The following LRRIQ1 variants were observed in gnomAD, a reference collection of about 807,000 sequenced individuals.
The protein encoded by LRRIQ1 is leucine rich repeats and IQ motif containing 1.
LRRIQ1 carries 210 observed loss-of-function variants against 211.9 expected under a neutral mutation model. That is an observed-to-expected ratio of 0.99 (90% CI 0.89 to 1.11). LRRIQ1 has a LOEUF of 1.11. LRRIQ1 is among the 50% of genes most tolerant of loss of function. LRRIQ1 has a pLI of 0.00. For synonymous variants in LRRIQ1, 699 were observed against 650.1 expected (o/e 1.08, Z -1.14); for missense variants, 2,136 against 1,939.5 (o/e 1.10, Z -1.90).
intron 1 of LRRIQ1, among the ~76,000 whole-genome samples, chr12:85,255,633 TG>T (rs1320692782): frequency 4.0e-5 from 6 of 151,788 alleles, no homozygotes; most frequent in Admixed American, 4.0e-4. Flanking sequence ...TTTTTATTAT[TG>T]TTATCACTTT....
At chr12:85,109,069 A>G (rs1886984325) in intron 15 of LRRIQ1, among the ~76,000 whole-genome samples, 2 of 152,176 alleles carry the variant, frequency 1.3e-5, no homozygotes, top group Admixed American at 1.3e-4. Flanking sequence ...GGCCATGTCC[A>G]GGAAGATCCT....
chr12:85,250,866 A>ATTATATATTATATTATATATAATATATT (rs1234394827), intron 1 of LRRIQ1, among the ~76,000 whole-genome samples: 70 of 96,684 alleles, frequency 7.2e-4, no homozygotes, highest in Non-Finnish European at 1.1e-3. Flanking sequence ...TATATTATAG[A>ATTATATATTATATTATATATAATATATT]TTATATATTA....
At chr12:85,203,658 G>A (rs967594874) in intron 24 of LRRIQ1, among the ~76,000 whole-genome samples, 1 of 152,144 alleles carries the variant, frequency 6.6e-6, no homozygotes, top group African/African-American at 2.4e-5. Flanking sequence ...GAGACTGGTG[G>A]CATTGTGTCC....
chr12:85,167,596 C>T (rs942430313), intron 24 of LRRIQ1, among the ~76,000 whole-genome samples: 1 of 152,164 alleles, frequency 6.6e-6, no homozygotes, highest in Admixed American at 6.5e-5. Flanking sequence ...CCATCTTCTC[C>T]TGCCTACTTA....
intron 15 of LRRIQ1, among the ~76,000 whole-genome samples, chr12:85,118,335 TAA>T (rs1887722256): frequency 6.6e-6 from 1 of 152,138 alleles, no homozygotes; most frequent in African/African-American, 2.4e-5. Context: ...ATCTGCTTCA[TAA>T]TATGTAGATC....
In LRRIQ1 at chr12:85,054,899, A is replaced by G. The variant is rs1491002626; in HGVS notation, c.754-648A>G. Among the ~76,000 whole-genome samples the G allele has an allele frequency of 2.0e-5, 3 of 151,968 alleles. No individual in the cohort carries two copies. The South Asian group carries it at 6.2e-4, about 31-fold the overall frequency. ...TTAGTTTCCGTTAGATATTTGCTCA[A>G]TTTTGTTGATCTTCTTACTTTTGGT... On this transcript the variant is annotated intron_variant, in intron 7 of 26. Transcript: ENST00000393217.
Position 85,055,544 on chromosome 12 carries a change from T to G in LRRIQ1, c.754-3T>G, listed in dbSNP as rs781582982. On this transcript the variant is annotated splice_polypyrimidine_tract_variant and splice_region_variant and intron_variant, in intron 7 of 26. Transcript: ENST00000393217. ...GACTACCATGTATCTTACTTTGTTT[T>G]AGGAGTATATTAGAAACTTGCATTT... 41 of 1,501,294 alleles carry G rather than the reference T, an allele frequency of 2.7e-5. No individual in the cohort carries two copies. Among genetic ancestry groups the G allele is most frequent in the Non-Finnish European group, 3.5e-5 (40 of 1,129,326 alleles). 93.0% of individuals were successfully genotyped at this position (1,501,294 alleles called of 1,614,324 possible). A position where few individuals can be genotyped will look rare whatever the true frequency, so the allele number is the denominator to read the frequency against.
intron 15 of LRRIQ1, among the ~76,000 whole-genome samples, chr12:85,116,733 AT>A (rs1018007136): frequency 5.9e-5 from 9 of 151,942 alleles, no homozygotes; most frequent in Admixed American, 3.3e-4. Flanking sequence ...GTAGACCCCA[AT>A]GTCTGTTGTT....
chr12:85,183,230 C>CGGA (rs1892071108), intron 24 of LRRIQ1, among the ~76,000 whole-genome samples: 1 of 151,996 alleles, frequency 6.6e-6, no homozygotes, highest in Admixed American at 6.6e-5. Context: ...TTCGTGATGT[C>CGGA]CTATTTGTAG....
At chr12:85,058,111 A>G (rs9943782) in intron 8 of LRRIQ1, among the ~76,000 whole-genome samples, 2,513 of 152,192 alleles carry the variant, frequency 0.017, 67 homozygotes, top group African/African-American at 0.058. Flanking sequence ...TAAATACGTT[A>G]TTATGGATCT....
chr12:85,211,996 G>A (rs150509395), intron 24 of LRRIQ1, among the ~76,000 whole-genome samples: 7 of 152,280 alleles, frequency 4.6e-5, no homozygotes, highest in African/African-American at 1.7e-4. Flanking sequence ...GCCAAGCATG[G>A]TGGTTCACAC....
intron 24 of LRRIQ1, among the ~76,000 whole-genome samples, chr12:85,179,340 G>A (rs1170592667): frequency 6.6e-6 from 1 of 151,934 alleles, no homozygotes; most frequent in Admixed American, 6.6e-5. Flanking sequence ...CTTGTGCAGT[G>A]CTTTTCAACA....
At chr12:85,260,434 TCTA>T (rs1896252204) in intron 1 of LRRIQ1, among the ~76,000 whole-genome samples, 1 of 144,726 alleles carries the variant, frequency 6.9e-6, no homozygotes, top group Non-Finnish European at 1.5e-5. Flanking sequence ...CATACTTACT[TCTA>T]CTTATTACCT....
intron 15 of LRRIQ1, among the ~76,000 whole-genome samples, chr12:85,108,382 T>A (rs891158153): frequency 6.6e-6 from 1 of 151,984 alleles, no homozygotes; most frequent in Non-Finnish European, 1.5e-5. Context: ...CCCACCTCAG[T>A]CTCCCAAAGT....
At chr12:85,149,512 GAGT>G (rs777337454) in intron 19 of LRRIQ1, among the ~76,000 whole-genome samples, 3 of 151,370 alleles carry the variant, frequency 2.0e-5, no homozygotes, top group Non-Finnish European at 3.0e-5. Flanking sequence ...TGGTCTATGT[GAGT>G]AGAAGGCTTT....
At chr12:85,132,391 G>A (rs933327695) in intron 18 of LRRIQ1, among the ~76,000 whole-genome samples, 1 of 152,258 alleles carries the variant, frequency 6.6e-6, no homozygotes, top group African/African-American at 2.4e-5. Flanking sequence ...CTAGCAGGAA[G>A]AAGCCACTTG....
At position 85,056,607 on chromosome 12, in the gene LRRIQ1, T is replaced by A; in HGVS notation, c.1814T>A (p.Leu605Ter). 1 of 1,594,458 alleles carries A rather than the reference T, an allele frequency of 6.3e-7. No homozygotes were observed. Among genetic ancestry groups the A allele is most frequent in the East Asian group, 2.2e-5 (1 of 44,532 alleles). The change falls in exon 8 of 27, where the codon TTA (leucine) becomes TAA (stop). Residue 605 changes from leucine (L) to a stop codon, truncating the protein, a stop_gained. Coordinates refer to ENST00000393217, the MANE Select transcript of LRRIQ1 (RefSeq NM_001079910.2). LOFTEE classifies it high-confidence loss of function. ...NGLLYKDKDT[L>*]VISVKQRSLS... ...TTATTATATAAAGATAAGGATACTT[T>A]AGTTATTTCAGTGAAACAAAGATCA...
At chr12:85,141,777 T>G (rs1889559001) in intron 19 of LRRIQ1, among the ~76,000 whole-genome samples, 1 of 151,330 alleles carries the variant, frequency 6.6e-6, no homozygotes, top group Admixed American at 6.6e-5. Context: ...TAGAATATAA[T>G]TTGGTTTATA....
Position 85,250,894 on chromosome 12 carries a change from T to TTATAGA in LRRIQ1, c.121+5986_121+5987insATAGAT, listed in dbSNP as rs1565928848. Among the ~76,000 whole-genome samples, 40 of 78,728 alleles carry TTATAGA rather than the reference T, an allele frequency of 5.1e-4. 2 individuals are homozygous for TTATAGA. The highest frequency in any genetic ancestry group is 4.5e-3 in the African/African-American group (38 of 8,374). 51.6% of individuals were successfully genotyped at this position (78,728 alleles called of 152,430 possible). On this transcript the variant is annotated intron_variant, in intron 1 of 1. Transcript: ENST00000602731. ...ATATATTATATTATATATAATATAT[T>TTATAGA]TTATATATTATATATAATATATTTT...
Sources: gnomAD v4.1 joint callset for allele counts (sites outside exome capture counted in the v4.1 genomes callset) on GRCh38, gnomAD v4.1.1 for gene constraint, MANE v1.5 for transcripts, NCBI Gene and HGNC (gene_info 2026-07-23, HGNC 2026-07-21) for gene names.